The following TANC2 variants were observed in gnomAD, a reference collection of about 807,000 sequenced individuals.
TANC2 encodes the protein protein TANC2.
In TANC2, 26 loss-of-function variants were observed where a neutral mutation model predicts 210.5. That is an observed-to-expected ratio of 0.12 (90% CI 0.09 to 0.17). The LOEUF (loss-of-function observed/expected upper bound fraction) is 0.17, where lower values mean the gene tolerates loss of function less well. Among genes scored for constraint, TANC2 ranks in the 10% least tolerant of loss-of-function variants. The pLI, the probability that TANC2 is intolerant of heterozygous loss-of-function variation, is 1.00. For missense variants in TANC2, 2,129 were observed against 2,608.9 expected (o/e 0.82, Z 4.01); for synonymous variants, 931 against 967.1 (o/e 0.96, Z 0.69).
intron 1 of TANC2, among the ~76,000 whole-genome samples, chr17:62,991,043 T>C (rs2032834028): frequency 6.6e-6 from 1 of 152,202 alleles, no homozygotes; most frequent in Admixed American, 6.5e-5. Flanking sequence ...AATATGACTT[T>C]TTTTAACAGT....
chr17:63,405,505 T>C (rs1330595530), intron 20 of TANC2, among the ~76,000 whole-genome samples: 1 of 152,232 alleles, frequency 6.6e-6, no homozygotes, highest in Non-Finnish European at 1.5e-5. Context: ...GTGACCTCCT[T>C]CTCACATTTC....
At chr17:63,319,232 A>G in intron 11 of TANC2, 142 bp downstream of exon 11, 1 of 888,916 alleles carries the variant, frequency 1.1e-6, no homozygotes, top group Non-Finnish European at 1.7e-6. Context: ...TCTTTCTTTG[A>G]TATTCCTAGA....
intron 11 of TANC2, among the ~76,000 whole-genome samples, chr17:63,334,733 A>G (rs754874721): frequency 6.6e-6 from 1 of 152,226 alleles, no homozygotes; most frequent in Non-Finnish European, 1.5e-5. Context: ...AACCTTAACA[A>G]AGTGATCAAG....
intron 21 of TANC2, among the ~76,000 whole-genome samples, chr17:63,406,682 G>T (rs2048518135): frequency 6.6e-6 from 1 of 152,086 alleles, no homozygotes; most frequent in Non-Finnish European, 1.5e-5. Context: ...GCTGACTCTG[G>T]GATGCTATTT....
chr17:63,143,026 AT>A (rs1481818251), intron 4 of TANC2, among the ~76,000 whole-genome samples: 1 of 152,142 alleles, frequency 6.6e-6, no homozygotes, highest in Non-Finnish European at 1.5e-5. Flanking sequence ...TTATGTTTGA[AT>A]CCCCTGAAGC....
chr17:63,317,121 T>C (rs2045340692), intron 10 of TANC2, among the ~76,000 whole-genome samples: 1 of 152,144 alleles, frequency 6.6e-6, no homozygotes, highest in Non-Finnish European at 1.5e-5. Context: ...GGGAAATCAC[T>C]GGAGTTCCCA....
intron 14 of TANC2, among the ~76,000 whole-genome samples, chr17:63,360,417 G>A (rs1304484641): frequency 6.6e-6 from 1 of 152,132 alleles, no homozygotes; most frequent in East Asian, 1.9e-4. Flanking sequence ...TAGGAGGCTT[G>A]GAAGAGTTAA....
chr17:63,236,100 C>A (rs531587288), intron 7 of TANC2, among the ~76,000 whole-genome samples: 3 of 151,906 alleles, frequency 2.0e-5, no homozygotes, highest in Non-Finnish European at 2.9e-5. Context: ...TATTCTAATT[C>A]TTTGTTACAT....
At chr17:63,170,924 C>T (rs181214079) in intron 5 of TANC2, among the ~76,000 whole-genome samples, 110 of 152,212 alleles carry the variant, frequency 7.2e-4, no homozygotes, top group East Asian at 2.3e-3. Context: ...TATGGTACTA[C>T]GCATGATACT....
chr17:63,365,948 A>T (rs769829783), intron 14 of TANC2, among the ~76,000 whole-genome samples: 2 of 152,066 alleles, frequency 1.3e-5, no homozygotes, highest in Non-Finnish European at 2.9e-5. Context: ...GTTTTTGTCC[A>T]CTTTTCTGTC....
At chr17:63,280,091 A>C (rs1231175157) in intron 9 of TANC2, among the ~76,000 whole-genome samples, 1 of 152,100 alleles carries the variant, frequency 6.6e-6, no homozygotes, top group East Asian at 1.9e-4. Context: ...AGCACTAAGA[A>C]AGAATCTTAA....
intron 7 of TANC2, among the ~76,000 whole-genome samples, chr17:63,217,830 A>G (rs1198332676): frequency 6.6e-6 from 1 of 152,200 alleles, no homozygotes; most frequent in African/African-American, 2.4e-5. Context: ...AATTCTAACA[A>G]ACTGAATCTA....
At chr17:63,052,107 C>A (rs2035603982) in intron 2 of TANC2, among the ~76,000 whole-genome samples, 1 of 152,086 alleles carries the variant, frequency 6.6e-6, no homozygotes, top group African/African-American at 2.4e-5. Flanking sequence ...GGAATGACAT[C>A]TTTCAGTAAA....
At chr17:63,355,478 A>G in intron 14 of TANC2, 88 bp downstream of exon 14, 1 of 1,343,812 alleles carries the variant, frequency 7.4e-7, no homozygotes, top group Non-Finnish European at 9.9e-7. Context: ...AGTGTTCTTC[A>G]TTGAACATTT....
chr17:63,238,076 A>T (rs2042671386), exon 8 of TANC2: 1 of 1,533,446 alleles, frequency 6.5e-7, no homozygotes, highest in Admixed American at 2.1e-5. Flanking sequence ...ATTCAGTAGC[A>T]GGTAAGTTTT....
At chr17:63,201,358 T>G (rs1457327821) in intron 7 of TANC2, among the ~76,000 whole-genome samples, 1 of 152,212 alleles carries the variant, frequency 6.6e-6, no homozygotes, top group Admixed American at 6.5e-5. Context: ...TTTGAGTTGT[T>G]CTGGGTCTAT....
chr17:63,187,195 G>A lies in TANC2; in HGVS notation c.434-6796G>A, dbSNP rs186867022. Among the ~76,000 whole-genome samples the A allele has an allele frequency of 3.3e-4, 51 of 152,298 alleles. No individual in the cohort carries two copies. The East Asian group carries it at 9.3e-3, about 28-fold the overall frequency. ...GGCAATATGGTGAGAGACTGGACTT[G>A]GAGATGACGGTATAACTTAGGAGTA... On this transcript the variant is annotated intron_variant, in intron 5 of 27. Transcript: ENST00000689528.
chr17:63,202,233 C>T (rs893515633), intron 7 of TANC2, among the ~76,000 whole-genome samples: 1 of 152,052 alleles, frequency 6.6e-6, no homozygotes, highest in Non-Finnish European at 1.5e-5. Flanking sequence ...CAATAGACTC[C>T]TTTTGACAAA....
chr17:63,167,717 A>G (rs1487564679), intron 5 of TANC2, among the ~76,000 whole-genome samples: 1 of 151,872 alleles, frequency 6.6e-6, no homozygotes, highest in Non-Finnish European at 1.5e-5. Flanking sequence ...ATTAATAAGA[A>G]TCAAAGATTT....
Sources: gnomAD v4.1 joint callset for allele counts (sites outside exome capture counted in the v4.1 genomes callset) on GRCh38, gnomAD v4.1.1 for gene constraint, MANE v1.5 for transcripts, NCBI Gene and HGNC (gene_info 2026-07-23, HGNC 2026-07-21) for gene names.